STON1: variants seen among roughly 807,000 people sequenced by gnomAD.
STON1 encodes the protein stonin 1.
In STON1, 79 loss-of-function variants were observed where a neutral mutation model predicts 60.9. The observed-to-expected ratio is 1.30, with a 90% confidence interval of 1.08 to 1.56. The LOEUF is 1.56. Among genes scored for constraint, STON1 ranks in the 40% most tolerant of loss-of-function variants. The pLI is 0.00. For missense variants in STON1, 1,166 were observed against 858.9 expected, an observed-to-expected ratio of 1.36 and a Z score of -4.47; for synonymous variants, 363 against 306.9, an observed-to-expected ratio of 1.18 and a Z score of -1.91.
chr2:48,573,935 G>A (rs1228841500), intron 1 of STON1, among the ~76,000 whole-genome samples: 1 of 152,212 alleles, frequency 6.6e-6, no homozygotes, highest in Non-Finnish European at 1.5e-5. Context: ...GCCATATGTT[G>A]TATGATTCAG....
At chr2:48,566,111 C>G (rs985252325) in intron 1 of STON1, among the ~76,000 whole-genome samples, 1 of 152,162 alleles carries the variant, frequency 6.6e-6, no homozygotes, top group Non-Finnish European at 1.5e-5. Context: ...ATAACTATTG[C>G]AACAGGGAAA....
chr2:48,550,279 C>T (rs1433540710), intron 1 of STON1, among the ~76,000 whole-genome samples: 1 of 152,020 alleles, frequency 6.6e-6, no homozygotes, highest in African/African-American at 2.4e-5. Flanking sequence ...GAGTGGATCA[C>T]CTGAGGTCAG....
At chr2:48,543,604 TCA>T (rs945949340) in intron 1 of STON1, among the ~76,000 whole-genome samples, 3 of 150,104 alleles carry the variant, frequency 2.0e-5, no homozygotes, top group African/African-American at 7.4e-5. Context: ...GGATCTCGGC[TCA>T]CTGCAACCTT....
chr2:48,582,654 T>C (rs1333855923), intron 2 of STON1, 91 bp downstream of exon 2: 1 of 1,505,586 alleles, frequency 6.6e-7, no homozygotes, highest in Admixed American at 2.3e-5. Flanking sequence ...TAGAGACAGA[T>C]GGCAATTTGT....
At chr2:48,587,671 G>A (rs1674291735) in intron 2 of STON1, among the ~76,000 whole-genome samples, 2 of 152,202 alleles carry the variant, frequency 1.3e-5, no homozygotes, top group South Asian at 4.1e-4. Flanking sequence ...GGCTGGACCT[G>A]ATCTTGGCCT....
intron 1 of STON1, among the ~76,000 whole-genome samples, chr2:48,540,240 C>G (rs1671601001): frequency 6.6e-6 from 1 of 152,118 alleles, no homozygotes; most frequent in Admixed American, 6.5e-5. Context: ...ATGATATATA[C>G]TAGTTTTTAT....
At chr2:48,551,054 T>A (rs1418800749) in intron 1 of STON1, among the ~76,000 whole-genome samples, 1 of 152,080 alleles carries the variant, frequency 6.6e-6, no homozygotes, top group Non-Finnish European at 1.5e-5. Context: ...AACTTTTAGA[T>A]CATTTTAGAT....
intron 1 of STON1, among the ~76,000 whole-genome samples, chr2:48,555,447 G>A (rs1672301844): frequency 1.0e-5 from 1 of 100,204 alleles, no homozygotes; most frequent in Non-Finnish European, 2.1e-5. Flanking sequence ...CCGGGCAGGG[G>A]GGCTGACCCC....
At chr2:48,583,511 C>T (rs1674020241) in intron 2 of STON1, among the ~76,000 whole-genome samples, 1 of 152,076 alleles carries the variant, frequency 6.6e-6, no homozygotes, top group Non-Finnish European at 1.5e-5. Context: ...TATAGTACCA[C>T]ATTTATTTTG....
At chr2:48,590,456 A>G (rs1674445151) in intron 2 of STON1, among the ~76,000 whole-genome samples, 1 of 152,144 alleles carries the variant, frequency 6.6e-6, no homozygotes, top group Non-Finnish European at 1.5e-5. Context: ...CTCTTTCTCT[A>G]GCTATGTCAG....
chr2:48,576,971 G>A (rs993716773), intron 1 of STON1, among the ~76,000 whole-genome samples: 34 of 151,686 alleles, frequency 2.2e-4, no homozygotes, highest in African/African-American at 7.7e-4. Context: ...GGAGAATGGC[G>A]TGAACCTGGG....
At chr2:48,560,492 C>A (rs1572947882) in intron 1 of STON1, among the ~76,000 whole-genome samples, 1 of 152,192 alleles carries the variant, frequency 6.6e-6, no homozygotes, top group Non-Finnish European at 1.5e-5. Flanking sequence ...CAGCAGGCAG[C>A]CCTGAAAGCA....
At chr2:48,543,695 C>G (rs2103763886) in intron 1 of STON1, among the ~76,000 whole-genome samples, 1 of 151,990 alleles carries the variant, frequency 6.6e-6, no homozygotes, top group South Asian at 2.1e-4. Flanking sequence ...CCATGCCTAG[C>G]TAATGTTTGT....
intron 1 of STON1, among the ~76,000 whole-genome samples, chr2:48,560,874 T>C (rs1008109070): frequency 6.6e-6 from 1 of 152,206 alleles, no homozygotes; most frequent in African/African-American, 2.4e-5. Context: ...GCCCTCACTT[T>C]ATCCCCACCC....
intron 1 of STON1, among the ~76,000 whole-genome samples, chr2:48,553,581 G>A (rs1226814612): frequency 1.3e-5 from 2 of 151,930 alleles, no homozygotes; most frequent in African/African-American, 2.4e-5. Flanking sequence ...TCTGCCTCCC[G>A]GGTTCAAGCG....
At position 48,595,513 on chromosome 2, in the gene STON1, A is replaced by G; in HGVS notation, c.*211A>G. The G allele has an allele frequency of 5.9e-6, 3 of 504,376 alleles. No individual in the cohort carries two copies. Among genetic ancestry groups the G allele is most frequent in the Non-Finnish European group, 1.0e-5 (3 of 285,980 alleles). 31.2% of individuals were successfully genotyped at this position (504,376 alleles called of 1,614,324 possible). On this transcript the variant is annotated 3_prime_UTR_variant, in exon 4 of 4. Coordinates refer to ENST00000404752, the MANE Select transcript of STON1 (RefSeq NM_006873.4). Reference sequence around the variant, plus strand: ...TTTTGTCCTAGGGGTTCGATCTAAAATGTTTCTATAATTCGTGTGATGTTT... The same window carrying G: ...TTTTGTCCTAGGGGTTCGATCTAAAGTGTTTCTATAATTCGTGTGATGTTT...
chr2:48,543,030 A>G (rs1185678059), intron 1 of STON1, among the ~76,000 whole-genome samples: 1 of 141,618 alleles, frequency 7.1e-6, no homozygotes, highest in Non-Finnish European at 1.5e-5. Context: ...GCTGGAGTGC[A>G]GTGGCATGAT....
chr2:48,570,072 T>C (rs1673123195), intron 1 of STON1, among the ~76,000 whole-genome samples: 1 of 152,198 alleles, frequency 6.6e-6, no homozygotes, highest in Non-Finnish European at 1.5e-5. Flanking sequence ...TGGTGGCTCA[T>C]GCCTGTAATC....
chr2:48,582,278 A>C lies in STON1; in HGVS notation c.1645A>C (p.Met549Leu). Residue 549 changes from methionine to leucine, a missense_variant, in exon 2 of 4, where the codon ATG becomes CTG. Transcript: ENST00000404752. ...CGTGGAACTTCAGGCTTTTGTCAAC[A>C]TGGCCTCATTGGCGCAGAGGTCATC... ...AYVELQAFVN[M>L]ASLAQRSSYA... The C allele has an allele frequency of 6.2e-7, 1 of 1,614,232 alleles. No individual in the cohort carries two copies. Among genetic ancestry groups the C allele is most frequent in the African/African-American group, 1.3e-5 (1 of 75,058 alleles).
Sources: gnomAD v4.1 joint callset for allele counts (sites outside exome capture counted in the v4.1 genomes callset) on GRCh38, gnomAD v4.1.1 for gene constraint, MANE v1.5 for transcripts, NCBI Gene and HGNC (gene_info 2026-07-23, HGNC 2026-07-21) for gene names.